The following RFTN2 variants were observed in gnomAD, a reference collection of about 807,000 sequenced individuals.
The protein encoded by RFTN2 is raftlin family member 2.
RFTN2 carries 34 observed loss-of-function variants against 52.7 expected under a neutral mutation model. The observed-to-expected ratio is 0.64, with a 90% CI of 0.49 to 0.86. The LOEUF (loss-of-function observed/expected upper bound fraction) is 0.86. Ranked by LOEUF, RFTN2 falls within the 40% of genes least tolerant of loss-of-function variation. The pLI, the probability that RFTN2 is intolerant of heterozygous loss-of-function variation, is 0.00. For synonymous variants in RFTN2, 203 were observed against 217.7 expected, an observed-to-expected ratio of 0.93 and a Z score of 0.59; for missense variants, 536 against 600.1, an observed-to-expected ratio of 0.89 and a Z score of 1.12.
chr2:197,636,775 T>C (rs1049628445), intron 3 of RFTN2, among the ~76,000 whole-genome samples: 91 of 149,520 alleles, frequency 6.1e-4, no homozygotes, highest in Non-Finnish European at 1.3e-3. Flanking sequence ...TCCAACACTA[T>C]GTTGAATAGG....
In RFTN2 at chr2:197,643,397, C is replaced by G. The variant is rs1362567629; in HGVS notation, c.438+761G>C. On this transcript the variant is annotated intron_variant, in intron 3 of 8. Coordinates refer to ENST00000295049, the MANE Select transcript of RFTN2 (RefSeq NM_144629.3). ...TGTGAGCCACCACACCTGGCCTTAA[C>G]TTGTCTTAAAGCTTTGCTAATACTG... Among the ~76,000 whole-genome samples, 14 of 152,168 alleles carry G rather than the reference C, an allele frequency of 9.2e-5. 1 individual carries two copies.
At chr2:197,583,624 C>CTT (rs748512572) in intron 8 of RFTN2, among the ~76,000 whole-genome samples, 8 of 139,732 alleles carry the variant, frequency 5.7e-5, no homozygotes, top group African/African-American at 1.3e-4. Flanking sequence ...GACAGTACTT[C>CTT]TTTTTTTTTT....
At chr2:197,577,504 T>C (rs778381799) in intron 8 of RFTN2, among the ~76,000 whole-genome samples, 4 of 152,222 alleles carry the variant, frequency 2.6e-5, no homozygotes, top group Non-Finnish European at 5.9e-5. Flanking sequence ...CTGACAGATT[T>C]ACTCTCAGAA....
In RFTN2 at chr2:197,633,944, A is replaced by G; in HGVS notation, c.492T>C (p.His164=). 2 of 1,613,466 alleles carry G rather than the reference A, an allele frequency of 1.2e-6. No homozygotes were observed. The highest frequency in any genetic ancestry group is 1.7e-6 in the Non-Finnish European group (2 of 1,179,530). ...CATTGCAGAATTTAGATGGAGAATAATGCTGTGATATGAATCCAACAAATT... is the reference window on the plus strand; with the variant it reads ...CATTGCAGAATTTAGATGGAGAATAGTGCTGTGATATGAATCCAACAAATT... ...GMKFVGFISQ[H]YSPSKFCNGT... The change falls in exon 4 of 9, where the codon CAT becomes CAC. Residue 164 remains histidine (H), a synonymous_variant. Transcript: ENST00000295049.
At chr2:197,575,836 AT>A (rs1553597220) in intron 8 of RFTN2, among the ~76,000 whole-genome samples, 4 of 33,906 alleles carry the variant, frequency 1.2e-4, no homozygotes, top group South Asian at 1.4e-3. Flanking sequence ...TATATAATAT[AT>A]TATATATATT....
chr2:197,644,462 C>A, intron 2 of RFTN2, among the ~76,000 whole-genome samples, 190 bp from the exon 3 acceptor site: 2 of 152,200 alleles, frequency 1.3e-5, no homozygotes, highest in South Asian at 4.2e-4. Context: ...ATTCAAATTT[C>A]CTTAATTTAA....
chr2:197,639,833 C>A (rs1251423585), intron 3 of RFTN2, among the ~76,000 whole-genome samples: 3 of 142,414 alleles, frequency 2.1e-5, no homozygotes, highest in African/African-American at 7.9e-5. Context: ...TTAGAGTTTC[C>A]AGTTTTTCTG....
chr2:197,613,131 G>C (rs1232617241), intron 7 of RFTN2, among the ~76,000 whole-genome samples: 1 of 152,120 alleles, frequency 6.6e-6, no homozygotes, highest in Admixed American at 6.5e-5. Flanking sequence ...TAGTGAACTA[G>C]AGTATTTACA....
chr2:197,655,506 T>C (rs1206938917), intron 1 of RFTN2, among the ~76,000 whole-genome samples: 1 of 152,184 alleles, frequency 6.6e-6, no homozygotes, highest in Non-Finnish European at 1.5e-5. Flanking sequence ...TCAGTGCTAA[T>C]AAACATATTT....
At chr2:197,584,840 C>T (rs1451302503) in intron 8 of RFTN2, among the ~76,000 whole-genome samples, 1 of 152,176 alleles carries the variant, frequency 6.6e-6, no homozygotes, top group Non-Finnish European at 1.5e-5. Context: ...AGTCCTCCAG[C>T]AGGCTAGACA....
chr2:197,619,468 T>G (rs894579839), intron 5 of RFTN2, among the ~76,000 whole-genome samples: 3 of 152,082 alleles, frequency 2.0e-5, no homozygotes, highest in Non-Finnish European at 4.4e-5. Context: ...CTCTGAAACA[T>G]GTGCTGTATC....
chr2:197,661,694 G>GT (rs2088979421), intron 1 of RFTN2, among the ~76,000 whole-genome samples: 1 of 151,954 alleles, frequency 6.6e-6, no homozygotes, highest in Non-Finnish European at 1.5e-5. Context: ...TCTATTTTTA[G>GT]TTTTTTGAGA....
At chr2:197,576,635 C>T (rs935055928) in intron 8 of RFTN2, among the ~76,000 whole-genome samples, 13 of 152,048 alleles carry the variant, frequency 8.5e-5, no homozygotes, top group South Asian at 2.1e-4. Context: ...ATAAAATACC[C>T]GGGTATTTTC....
At chr2:197,621,906 C>T (rs1412669945) in intron 5 of RFTN2, among the ~76,000 whole-genome samples, 1 of 151,998 alleles carries the variant, frequency 6.6e-6, no homozygotes, top group Non-Finnish European at 1.5e-5. Context: ...TGTCAGTTAG[C>T]CAAATTGTGA....
At chr2:197,666,606 T>C (rs2106272463) in intron 1 of RFTN2, among the ~76,000 whole-genome samples, 1 of 152,344 alleles carries the variant, frequency 6.6e-6, no homozygotes, top group African/African-American at 2.4e-5. Context: ...TTGAGTATAA[T>C]GTGCTCTGGA....
At chr2:197,594,875 C>A (rs568903413) in intron 8 of RFTN2, among the ~76,000 whole-genome samples, 1 of 152,342 alleles carries the variant, frequency 6.6e-6, no homozygotes, top group East Asian at 1.9e-4. Flanking sequence ...TACACACAGT[C>A]AATCTAGCTC....
rs146234704 is a variant in RFTN2 at position 197,613,298 on chromosome 2, G to A, written c.1154+2578C>T. On this transcript the variant is annotated intron_variant, in intron 7 of 8. Transcript: ENST00000295049. The stretch of plus-strand genomic sequence containing the variant: ...CCCAGGCCCTGTATAGGTACTTTGC[G>A]TGTATTATCTTAGTCATAGTGATAA... Among the ~76,000 whole-genome samples the A allele has an allele frequency of 9.2e-5, 14 of 152,258 alleles. No individual in the cohort carries two copies. In the East Asian group the frequency reaches 9.6e-4, roughly 10 times the overall value.
chr2:197,670,613 T>C (rs1296556186), intron 1 of RFTN2, among the ~76,000 whole-genome samples: 1 of 152,136 alleles, frequency 6.6e-6, no homozygotes, highest in Non-Finnish European at 1.5e-5. Context: ...AAGTCATGTC[T>C]ACAGTGAGCT....
At chr2:197,659,686 G>A (rs540670919) in intron 1 of RFTN2, among the ~76,000 whole-genome samples, 24 of 151,720 alleles carry the variant, frequency 1.6e-4, no homozygotes, top group Admixed American at 1.2e-3. Flanking sequence ...GCGTGGTGGC[G>A]TGTGCCTGTA....
Sources: allele counts gnomAD v4.1 joint callset (sites outside exome capture counted in the v4.1 genomes callset), GRCh38; gene constraint gnomAD v4.1.1; transcripts MANE v1.5; gene names NCBI Gene and HGNC (gene_info 2026-07-23, HGNC 2026-07-21).